The following SLC25A21 variants were observed in gnomAD, a reference collection of about 807,000 sequenced individuals.
SLC25A21 encodes solute carrier family 25 member 21, also known as mitochondrial 2-oxodicarboxylate carrier.
A neutral mutation model predicts 43.8 loss-of-function variants in SLC25A21; 47 were observed. That is an observed-to-expected ratio of 1.07 (90% confidence interval 0.85 to 1.37). SLC25A21 has a LOEUF of 1.37. SLC25A21 is among the 40% of genes most tolerant of loss of function. The pLI is 0.00. For synonymous variants in SLC25A21, 131 were observed against 121.3 expected, an observed-to-expected ratio of 1.08 and a Z score of -0.52; for missense variants, 352 against 350.2, an observed-to-expected ratio of 1.00 and a Z score of -0.04.
intron 2 of SLC25A21, among the ~76,000 whole-genome samples, chr14:36,867,409 C>T (rs1890242072): frequency 6.6e-6 from 1 of 152,066 alleles, no homozygotes; most frequent in Non-Finnish European, 1.5e-5. Flanking sequence ...TTACCAAATA[C>T]TCACTTCTTC....
At chr14:37,166,829 C>A (rs575673095) in intron 1 of SLC25A21, among the ~76,000 whole-genome samples, 1 of 152,198 alleles carries the variant, frequency 6.6e-6, no homozygotes, top group African/African-American at 2.4e-5. Context: ...AGCCATTAGG[C>A]AAACAATTAG....
At chr14:36,699,774 C>A (rs1254910168) in intron 7 of SLC25A21, among the ~76,000 whole-genome samples, 1 of 152,184 alleles carries the variant, frequency 6.6e-6, no homozygotes, top group African/African-American at 2.4e-5. Flanking sequence ...GGGAGAATCA[C>A]CTTGTCTGCA....
chr14:36,729,623 T>G (rs371733010), intron 4 of SLC25A21, 57 bp from the exon 5 acceptor site: 10 of 1,398,556 alleles, frequency 7.2e-6, no homozygotes, highest in Admixed American at 2.1e-5. Context: ...ACAAACTCTT[T>G]AATTGACTCA....
At chr14:36,819,510 C>T (rs1044389523) in intron 2 of SLC25A21, among the ~76,000 whole-genome samples, 3 of 152,008 alleles carry the variant, frequency 2.0e-5, no homozygotes, top group African/African-American at 7.3e-5. Context: ...TATACCACTT[C>T]CACTTGTTTG....
At chr14:36,921,054 T>G (rs1429769531) in intron 1 of SLC25A21, among the ~76,000 whole-genome samples, 1 of 152,124 alleles carries the variant, frequency 6.6e-6, no homozygotes, top group Non-Finnish European at 1.5e-5. Context: ...GTGGATCTCT[T>G]TGCTTTTAAC....
At chr14:36,725,326 T>C (rs1304447187) in intron 6 of SLC25A21, 1 of 164,540 alleles carries the variant, frequency 6.1e-6, no homozygotes. Flanking sequence ...ATATACAAAA[T>C]TAGCTGGGTG....
intron 1 of SLC25A21, among the ~76,000 whole-genome samples, chr14:37,072,837 C>T (rs969696975): frequency 5.3e-5 from 8 of 152,088 alleles, no homozygotes; most frequent in African/African-American, 1.7e-4. Flanking sequence ...TTAAAAGAAC[C>T]GCTGGTTATG....
At chr14:36,952,943 T>C (rs976851594) in intron 1 of SLC25A21, among the ~76,000 whole-genome samples, 1 of 152,354 alleles carries the variant, frequency 6.6e-6, no homozygotes, top group East Asian at 1.9e-4. Flanking sequence ...GTTACTCATC[T>C]ATCATCAAGC....
intron 6 of SLC25A21, among the ~76,000 whole-genome samples, chr14:36,717,088 T>C (rs976539548): frequency 6.6e-6 from 1 of 152,220 alleles, no homozygotes; most frequent in East Asian, 1.9e-4. Flanking sequence ...GGGGACCCAG[T>C]TGCTCCACCA....
intron 7 of SLC25A21, among the ~76,000 whole-genome samples, chr14:36,699,192 T>C (rs1209586939): frequency 6.6e-6 from 1 of 152,092 alleles, no homozygotes; most frequent in Non-Finnish European, 1.5e-5. Flanking sequence ...GTCCCTCAGC[T>C]GCAGGTCTGT....
intron 1 of SLC25A21, among the ~76,000 whole-genome samples, chr14:37,021,452 C>A (rs2138754341): frequency 6.6e-6 from 1 of 152,038 alleles, no homozygotes; most frequent in Admixed American, 6.6e-5. Context: ...TTGCTCTGAT[C>A]AATAATATAT....
intron 3 of SLC25A21, among the ~76,000 whole-genome samples, chr14:36,754,009 C>T (rs1885827360): frequency 6.6e-6 from 1 of 151,256 alleles, no homozygotes; most frequent in Non-Finnish European, 1.5e-5. Context: ...AGTGATCCTG[C>T]TTTGATCCCA....
At chr14:37,043,947 T>G (rs139413010) in intron 1 of SLC25A21, among the ~76,000 whole-genome samples, 259 of 110,202 alleles carry the variant, frequency 2.4e-3, no homozygotes, top group East Asian at 5.7e-3. Flanking sequence ...TTTGTTTTTT[T>G]TTTTTTTTTT....
At chr14:36,687,388 G>T (rs1882603359) in intron 7 of SLC25A21, among the ~76,000 whole-genome samples, 1 of 152,166 alleles carries the variant, frequency 6.6e-6, no homozygotes, top group South Asian at 2.1e-4. Context: ...CCATCTCGGG[G>T]GTGAGAAGAA....
intron 1 of SLC25A21, among the ~76,000 whole-genome samples, chr14:37,057,642 T>C (rs1961859758): frequency 6.6e-6 from 1 of 152,208 alleles, no homozygotes; most frequent in Admixed American, 6.5e-5. Context: ...AGTAAAACAA[T>C]TTTACTCTCC....
intron 1 of SLC25A21, among the ~76,000 whole-genome samples, chr14:37,141,761 A>G (rs1344740589): frequency 6.6e-6 from 1 of 152,100 alleles, no homozygotes; most frequent in African/African-American, 2.4e-5. Flanking sequence ...CACTTTTTAT[A>G]TTTTTCTAGA....
intron 1 of SLC25A21, among the ~76,000 whole-genome samples, chr14:36,995,253 G>A (rs1047811189): frequency 1.2e-4 from 18 of 152,022 alleles, no homozygotes; most frequent in African/African-American, 1.9e-4. Flanking sequence ...TTACAAATGC[G>A]GATTCTACAT....
intron 3 of SLC25A21, among the ~76,000 whole-genome samples, chr14:36,737,440 T>A (rs1462111953): frequency 6.6e-6 from 1 of 152,160 alleles, no homozygotes; most frequent in Non-Finnish European, 1.5e-5. Context: ...TACTTTCATG[T>A]GCGATCGTTC....
intron 1 of SLC25A21, among the ~76,000 whole-genome samples, chr14:37,008,651 G>A (rs572657094): frequency 6.6e-6 from 1 of 152,242 alleles, no homozygotes; most frequent in Non-Finnish European, 1.5e-5. Context: ...ATAATGCAGC[G>A]ATGGCCTTAC....
Sources: allele counts gnomAD v4.1 joint callset (sites outside exome capture counted in the v4.1 genomes callset), GRCh38; gene constraint gnomAD v4.1.1; transcripts MANE v1.5; gene names NCBI Gene and HGNC (gene_info 2026-07-23, HGNC 2026-07-21).